The following CHSY3 variants were observed in gnomAD, a reference collection of about 807,000 sequenced individuals.
CHSY3 encodes the protein N-acetylgalactosaminyl-proteoglycan 3-beta-glucuronosyltransferase 3.
In CHSY3, 35 loss-of-function variants were observed where a neutral mutation model predicts 67.2. The observed-to-expected ratio is 0.52, with a 90% CI of 0.40 to 0.69. CHSY3 has a LOEUF of 0.69. Among genes scored for constraint, CHSY3 ranks in the 30% least tolerant of loss-of-function variants. CHSY3 has a pLI of 0.00. For missense variants in CHSY3, 1,069 were observed against 1,138.5 expected (o/e 0.94, Z 0.88); for synonymous variants, 474 against 434.7 (o/e 1.09, Z -1.12).
intron 2 of CHSY3, among the ~76,000 whole-genome samples, chr5:129,949,714 C>A (rs1761967188): frequency 6.6e-6 from 1 of 152,120 alleles, no homozygotes; most frequent in Admixed American, 6.5e-5. Flanking sequence ...AAATCCCCAA[C>A]AAAACCAGAG....
At chr5:130,047,359 C>T (rs1765185039) in intron 2 of CHSY3, among the ~76,000 whole-genome samples, 1 of 152,058 alleles carries the variant, frequency 6.6e-6, no homozygotes, top group Non-Finnish European at 1.5e-5. Flanking sequence ...CAAAGTCCCA[C>T]ATGACCTCTC....
At chr5:130,160,288 A>G (rs1769492218) in intron 2 of CHSY3, among the ~76,000 whole-genome samples, 1 of 152,314 alleles carries the variant, frequency 6.6e-6, no homozygotes, top group South Asian at 2.1e-4. Context: ...TAGAAATCAT[A>G]ACATAGGAAG....
At chr5:129,989,675 TG>T (rs747451440) in intron 2 of CHSY3, among the ~76,000 whole-genome samples, 1 of 152,306 alleles carries the variant, frequency 6.6e-6, no homozygotes, top group Middle Eastern at 3.4e-3. Flanking sequence ...TTGCAGCATT[TG>T]TCCCAACTCT....
At chr5:130,009,182 A>G (rs139646451) in intron 2 of CHSY3, among the ~76,000 whole-genome samples, 295 of 152,296 alleles carry the variant, frequency 1.9e-3, no homozygotes, top group African/African-American at 3.8e-3. Context: ...CAAGGACAAT[A>G]CATGCAAAAG....
chr5:130,153,240 C>G (rs1158648426), intron 2 of CHSY3, among the ~76,000 whole-genome samples: 1 of 151,706 alleles, frequency 6.6e-6, no homozygotes, highest in African/African-American at 2.4e-5. Flanking sequence ...CAGCAAGACT[C>G]TAAAATAAAA....
At chr5:129,928,473 T>A (rs1401554269) in intron 2 of CHSY3, among the ~76,000 whole-genome samples, 1 of 152,040 alleles carries the variant, frequency 6.6e-6, no homozygotes, top group Non-Finnish European at 1.5e-5. Flanking sequence ...GAAGTAAATT[T>A]AGGTGAGTCT....
chr5:130,100,213 G>A (rs557289540), intron 2 of CHSY3, among the ~76,000 whole-genome samples: 14 of 152,016 alleles, frequency 9.2e-5, no homozygotes, highest in African/African-American at 2.7e-4. Context: ...GACGAGTCTC[G>A]CTCTGTCGCC....
intron 2 of CHSY3, among the ~76,000 whole-genome samples, chr5:129,932,103 C>CATATATATATATAT (rs33960181): frequency 4.3e-4 from 49 of 114,976 alleles, no homozygotes; most frequent in African/African-American, 6.8e-4. Context: ...ACCATAAAAC[C>CATATATATATATAT]ATATATATAT....
intron 2 of CHSY3, among the ~76,000 whole-genome samples, chr5:130,020,770 G>A (rs1254372911): frequency 6.6e-6 from 1 of 152,048 alleles, no homozygotes; most frequent in African/African-American, 2.4e-5. Flanking sequence ...AAGTGTGTAT[G>A]TAATTCCTCT....
intron 2 of CHSY3, among the ~76,000 whole-genome samples, chr5:129,921,114 A>G (rs950910530): frequency 1.3e-5 from 2 of 152,188 alleles, no homozygotes; most frequent in Non-Finnish European, 2.9e-5. Context: ...ACCATCGTGC[A>G]TAGCCGATTT....
intron 2 of CHSY3, among the ~76,000 whole-genome samples, chr5:130,086,125 T>C (rs1320911287): frequency 6.6e-6 from 1 of 152,052 alleles, no homozygotes; most frequent in Non-Finnish European, 1.5e-5. Flanking sequence ...GTCTATTAGG[T>C]CCGCTTGGTG....
chr5:129,991,091 G>T (rs1020886957), intron 2 of CHSY3, among the ~76,000 whole-genome samples: 1 of 152,098 alleles, frequency 6.6e-6, no homozygotes. Flanking sequence ...AATGAGAAGG[G>T]GTTGGGGAGG....
At chr5:129,952,173 C>T (rs954380483) in intron 2 of CHSY3, among the ~76,000 whole-genome samples, 27 of 152,074 alleles carry the variant, frequency 1.8e-4, no homozygotes, top group Admixed American at 1.8e-3. Context: ...CTCTAATACT[C>T]GTTTCAAGTA....
intron 2 of CHSY3, among the ~76,000 whole-genome samples, chr5:130,112,025 G>A (rs998812009): frequency 6.6e-6 from 1 of 152,060 alleles, no homozygotes; most frequent in Non-Finnish European, 1.5e-5. Flanking sequence ...TTATACAGTT[G>A]ATAAGGGGCT....
chr5:130,172,136 T>C (rs938108413), intron 2 of CHSY3, among the ~76,000 whole-genome samples: 9 of 152,092 alleles, frequency 5.9e-5, no homozygotes, highest in African/African-American at 1.9e-4. Flanking sequence ...CATTTTTTTT[T>C]CCTTTTACAA....
intron 2 of CHSY3, among the ~76,000 whole-genome samples, chr5:130,112,958 T>C (rs1767634991): frequency 6.6e-6 from 1 of 152,098 alleles, no homozygotes; most frequent in Non-Finnish European, 1.5e-5. Context: ...AAAATTACTA[T>C]TACATAGTCA....
chr5:129,998,957 G>A (rs1763634464), intron 2 of CHSY3, among the ~76,000 whole-genome samples: 1 of 151,772 alleles, frequency 6.6e-6, no homozygotes, highest in Non-Finnish European at 1.5e-5. Context: ...CCTTTTTAAG[G>A]CTTCTGTGTT....
intron 2 of CHSY3, among the ~76,000 whole-genome samples, chr5:130,038,893 CT>C (rs1255313136): frequency 6.6e-6 from 1 of 151,992 alleles, no homozygotes; most frequent in Non-Finnish European, 1.5e-5. Flanking sequence ...ACTGGCCAAT[CT>C]TTTAACCTCT....
At chr5:129,940,695 C>T (rs1761670325) in intron 2 of CHSY3, among the ~76,000 whole-genome samples, 1 of 151,092 alleles carries the variant, frequency 6.6e-6, no homozygotes, top group African/African-American at 2.4e-5. Context: ...GTGTGTATGC[C>T]GATGTATGTA....
Sources: allele counts gnomAD v4.1 joint callset (sites outside exome capture counted in the v4.1 genomes callset), GRCh38; gene constraint gnomAD v4.1.1; transcripts MANE v1.5; gene names NCBI Gene and HGNC (gene_info 2026-07-23, HGNC 2026-07-21).